Variants in ARHGEF4 observed in about 807,000 individuals in gnomAD.
ARHGEF4 encodes Rho guanine nucleotide exchange factor 4.
A neutral mutation model predicts 162.0 loss-of-function variants in ARHGEF4; 119 were observed. The ratio of observed to expected loss-of-function variants is 0.73; its 90% CI spans 0.63 to 0.86. The LOEUF (loss-of-function observed/expected upper bound fraction) is 0.86. ARHGEF4 is among the 40% of genes least tolerant of loss of function. ARHGEF4 has a pLI of 0.00. For missense variants in ARHGEF4, 2,488 were observed against 2,456.0 expected, an observed-to-expected ratio of 1.01 and a Z score of -0.28; for synonymous variants, 1,014 against 979.9, an observed-to-expected ratio of 1.03 and a Z score of -0.65.
At chr2:130,940,362 G>T (rs1246371122) in intron 3 of ARHGEF4, among the ~76,000 whole-genome samples, 1 of 151,930 alleles carries the variant, frequency 6.6e-6, no homozygotes, top group African/African-American at 2.4e-5. Flanking sequence ...AGAGGGGATA[G>T]CAACATCACT....
intron 2 of ARHGEF4, 32 bp downstream of exon 2, chr2:130,917,530 G>T: frequency 2.0e-6 from 3 of 1,521,066 alleles, no homozygotes; most frequent in Non-Finnish European, 2.6e-6. Context: ...AGCCTTTCCT[G>T]ACCTCTGCAG....
chr2:131,035,955 TC>T (rs1231116047), intron 5 of ARHGEF4: 2 of 718,806 alleles, frequency 2.8e-6, no homozygotes, highest in Non-Finnish European at 3.4e-6. Flanking sequence ...GGGATCCCGC[TC>T]CCTGCCCTGG....
chr2:131,012,989 T>G (rs1428840827), intron 4 of ARHGEF4, among the ~76,000 whole-genome samples: 1 of 152,176 alleles, frequency 6.6e-6, no homozygotes, highest in African/African-American at 2.4e-5. Context: ...AACCACACCT[T>G]CAAGATCCAG....
At chr2:130,937,410 T>C (rs779156205) in intron 3 of ARHGEF4, among the ~76,000 whole-genome samples, 4 of 152,200 alleles carry the variant, frequency 2.6e-5, no homozygotes, top group Non-Finnish European at 4.4e-5. Context: ...TACATTGAAT[T>C]TTAATTATTG....
At chr2:130,867,994 C>T (rs1284205921) in intron 1 of ARHGEF4, among the ~76,000 whole-genome samples, 2 of 141,630 alleles carry the variant, frequency 1.4e-5, no homozygotes, top group Admixed American at 7.4e-5. Flanking sequence ...GGTGCCATCT[C>T]GGCTCACTGC....
chr2:130,979,934 T>G (rs768085824), intron 4 of ARHGEF4, among the ~76,000 whole-genome samples: 13 of 152,144 alleles, frequency 8.5e-5, no homozygotes, highest in Non-Finnish European at 1.5e-4. Context: ...GACCTAATAC[T>G]TAACTATCAT....
chr2:130,900,233 C>T (rs183730568), intron 1 of ARHGEF4, among the ~76,000 whole-genome samples: 94 of 152,224 alleles, frequency 6.2e-4, no homozygotes, highest in Non-Finnish European at 3.5e-4. Flanking sequence ...CAATTAGATC[C>T]ACTTAGATTA....
At chr2:130,929,174 A>G (rs1382674634) in intron 2 of ARHGEF4, among the ~76,000 whole-genome samples, 5 of 152,218 alleles carry the variant, frequency 3.3e-5, no homozygotes, top group African/African-American at 1.2e-4. Context: ...CTGATCCACA[A>G]GGTACTTGGG....
At chr2:130,897,843 G>T (rs762347947) in intron 1 of ARHGEF4, among the ~76,000 whole-genome samples, 5 of 148,900 alleles carry the variant, frequency 3.4e-5, no homozygotes, top group Non-Finnish European at 7.4e-5. Flanking sequence ...CAGCACTGGG[G>T]GTGAGGGTAA....
At chr2:130,925,085 TGAGAGA>T (rs138553262) in intron 2 of ARHGEF4, among the ~76,000 whole-genome samples, 4 of 136,216 alleles carry the variant, frequency 2.9e-5, no homozygotes, top group African/African-American at 5.4e-5. Context: ...TGTGTGCGTC[TGAGAGA>T]GAGAGAGAGA....
In ARHGEF4 at chr2:131,040,301, G is replaced by A. The variant is rs117266463; in HGVS notation, c.4523G>A (p.Ser1508Asn). 264 of 1,613,030 alleles carry A rather than the reference G, an allele frequency of 1.6e-4. 2 individuals are homozygous for A. The East Asian group carries it at 5.8e-3, about 36-fold the overall frequency. ...RQCRKRADMF[S>N]EEQLRTIFGN... The stretch of plus-strand genomic sequence containing the variant: ...TGCCGCAAGCGCGCAGACATGTTCA[G>A]CGAGGAGCAGCTGCGTACCATCTTC... Residue 1508 changes from serine (S) to asparagine (N), a missense_variant, in exon 8 of 14, where the codon AGC becomes AAC. Coordinates refer to ENST00000409359, the MANE Select transcript of ARHGEF4 (RefSeq NM_001367493.1).
chr2:130,988,891 TATATATATATAGAGAGAGAGAGAG>T (rs1686723439), intron 4 of ARHGEF4, among the ~76,000 whole-genome samples: 2 of 116,234 alleles, frequency 1.7e-5, no homozygotes, highest in African/African-American at 3.2e-5. Context: ...TATATATATA[TATATATATATAGAGAGAGAGAGAG>T]AGAGAGAGAG....
chr2:130,849,300 G>A (rs1681225875), intron 1 of ARHGEF4, among the ~76,000 whole-genome samples: 1 of 152,244 alleles, frequency 6.6e-6, no homozygotes, highest in Non-Finnish European at 1.5e-5. Context: ...GGGGCAGAGA[G>A]ATGCAGGCAG....
intron 3 of ARHGEF4, among the ~76,000 whole-genome samples, chr2:130,933,076 G>A (rs916350286): frequency 1.3e-5 from 2 of 152,060 alleles, no homozygotes; most frequent in African/African-American, 4.8e-5. Flanking sequence ...ATTAGCCAGT[G>A]TGGTAGCACG....
chr2:130,909,916 GA>G (rs1348976227), intron 1 of ARHGEF4, among the ~76,000 whole-genome samples: 1 of 152,112 alleles, frequency 6.6e-6, no homozygotes, highest in Admixed American at 6.6e-5. Context: ...ACACACAAAA[GA>G]AATTCCCAGG....
At chr2:130,942,266 C>T (rs560622423) in intron 3 of ARHGEF4, among the ~76,000 whole-genome samples, 3 of 151,054 alleles carry the variant, frequency 2.0e-5, no homozygotes, top group Admixed American at 6.6e-5. Flanking sequence ...TCTCCTGCCT[C>T]AGCCTCCTGA....
intron 4 of ARHGEF4, among the ~76,000 whole-genome samples, chr2:130,980,546 G>A (rs62178928): frequency 0.74 from 111,999 of 152,124 alleles, 41,913 homozygotes; most frequent in East Asian, 0.88. Flanking sequence ...CAACGAAACA[G>A]GGAGAAAGTA....
chr2:130,879,919 C>A (rs1159260801), intron 1 of ARHGEF4, among the ~76,000 whole-genome samples: 1 of 152,198 alleles, frequency 6.6e-6, no homozygotes, highest in African/African-American at 2.4e-5. Flanking sequence ...GCTGGGACTA[C>A]AGATGACGTC....
At chr2:130,987,407 G>A (rs564460149) in intron 4 of ARHGEF4, among the ~76,000 whole-genome samples, 1 of 152,282 alleles carries the variant, frequency 6.6e-6, no homozygotes, top group South Asian at 2.1e-4. Flanking sequence ...AGATGGCACG[G>A]GTGAGCGGTA....
Sources: gnomAD v4.1 joint callset for allele counts (sites outside exome capture counted in the v4.1 genomes callset) on GRCh38, gnomAD v4.1.1 for gene constraint, MANE v1.5 for transcripts, NCBI Gene and HGNC (gene_info 2026-07-23, HGNC 2026-07-21) for gene names.